RALGPS2: variants seen among roughly 807,000 people sequenced by gnomAD.
RALGPS2 encodes the protein Ral GEF with PH domain and SH3 binding motif 2.
RALGPS2 carries 43 observed loss-of-function variants against 86.8 expected under a neutral mutation model. That is an observed-to-expected ratio of 0.50 (90% CI 0.39 to 0.64). The LOEUF (loss-of-function observed/expected upper bound fraction) is 0.64. RALGPS2 is among the 30% of genes least tolerant of loss of function. RALGPS2 has a pLI of 0.00. For missense variants in RALGPS2, 536 were observed against 694.6 expected (o/e 0.77, Z 2.57); for synonymous variants, 243 against 231.3 (o/e 1.05, Z -0.46).
intron 19 of RALGPS2, among the ~76,000 whole-genome samples, chr1:178,910,638 C>G (rs550594789): frequency 6.6e-6 from 1 of 152,240 alleles, no homozygotes; most frequent in South Asian, 2.1e-4. Context: ...AATTAACTTT[C>G]TGATATGCTG....
intron 1 of RALGPS2, among the ~76,000 whole-genome samples, chr1:178,752,073 G>T (rs1249423561): frequency 6.6e-6 from 1 of 151,764 alleles, no homozygotes; most frequent in Non-Finnish European, 1.5e-5. Context: ...ATTGGTCCTA[G>T]TCTGCTACCT....
intron 1 of RALGPS2, among the ~76,000 whole-genome samples, chr1:178,757,063 TC>T (rs1651995028): frequency 6.6e-6 from 1 of 152,164 alleles, no homozygotes; most frequent in African/African-American, 2.4e-5. Context: ...TGTTGTTGAT[TC>T]TATTGTAAAT....
chr1:178,867,690 G>T (rs1658501505), intron 8 of RALGPS2, among the ~76,000 whole-genome samples: 1 of 151,822 alleles, frequency 6.6e-6, no homozygotes, highest in Non-Finnish European at 1.5e-5. Flanking sequence ...ATAATTTTTG[G>T]TAGAATTTGT....
intron 8 of RALGPS2, chr1:178,864,851 T>C (rs554981019): frequency 2.7e-6 from 2 of 739,820 alleles, no homozygotes; most frequent in South Asian, 1.2e-4. Flanking sequence ...AATGTACATA[T>C]ATAACATCGC....
At chr1:178,759,054 C>T (rs12119883) in intron 1 of RALGPS2, among the ~76,000 whole-genome samples, 6,879 of 151,998 alleles carry the variant, frequency 0.045, 159 homozygotes, top group Non-Finnish European at 0.057. Context: ...TCCTTTGTTG[C>T]GCAAAAGCTT....
At chr1:178,780,951 T>G (rs374543874) in intron 2 of RALGPS2, among the ~76,000 whole-genome samples, 12 of 152,046 alleles carry the variant, frequency 7.9e-5, no homozygotes, top group East Asian at 5.8e-4. Context: ...TATGTTTATA[T>G]ATATGTTTGT....
chr1:178,913,877 C>T (rs1273991363), intron 19 of RALGPS2, among the ~76,000 whole-genome samples: 1 of 152,256 alleles, frequency 6.6e-6, no homozygotes, highest in East Asian at 1.9e-4. Context: ...TGCTCCCAGG[C>T]TGCTGGCAAA....
At chr1:178,840,777 G>A (rs1358677003) in intron 8 of RALGPS2, among the ~76,000 whole-genome samples, 3 of 151,250 alleles carry the variant, frequency 2.0e-5, no homozygotes, top group Non-Finnish European at 3.0e-5. Flanking sequence ...TAAAGAAAAG[G>A]GAGGAATCAA....
intron 8 of RALGPS2, chr1:178,850,504 G>GT (rs1422289258): frequency 5.3e-4 from 79 of 150,380 alleles, no homozygotes; most frequent in Non-Finnish European, 9.2e-4. Context: ...ATTATTTTTG[G>GT]GTTTTTTTTT....
intron 8 of RALGPS2, chr1:178,853,117 G>A (rs901017521): frequency 5.2e-5 from 51 of 985,216 alleles, no homozygotes; most frequent in Non-Finnish European, 5.8e-5. Flanking sequence ...GCCACACATT[G>A]TCATTCTCTT....
chr1:178,779,229 A>G (rs1653258607), intron 2 of RALGPS2, among the ~76,000 whole-genome samples: 1 of 152,098 alleles, frequency 6.6e-6, no homozygotes, highest in Non-Finnish European at 1.5e-5. Flanking sequence ...CTAGATGCTC[A>G]CCCCTCTAGT....
rs548950507 is a variant in RALGPS2, at chr1:178,909,092, G to A, written c.1722+2225G>A. ...AGTTGATTTTTGTATACAGTGTAAG[G>A]AAGGGGTCCAGTTTTAATCTTCTGT... On this transcript the variant is annotated intron_variant, in intron 19 of 19. Transcript: ENST00000367635. Among the ~76,000 whole-genome samples the A allele has an allele frequency of 1.2e-3, 184 of 152,246 alleles. 1 individual carries two copies. Among genetic ancestry groups the A allele is most frequent in the Non-Finnish European group, 2.2e-3 (150 of 68,000 alleles).
intron 4 of RALGPS2, among the ~76,000 whole-genome samples, chr1:178,787,851 C>G (rs539030409): frequency 6.6e-6 from 1 of 152,302 alleles, no homozygotes; most frequent in African/African-American, 2.4e-5. Context: ...CATCTACCTG[C>G]ATTTACTTTG....
At chr1:178,787,289 T>C (rs187548803) in intron 4 of RALGPS2, among the ~76,000 whole-genome samples, 2 of 152,310 alleles carry the variant, frequency 1.3e-5, no homozygotes, top group East Asian at 1.9e-4. Flanking sequence ...ATGAGATCAG[T>C]GCTGTCTAGC....
At chr1:178,765,421 A>G (rs535994083) in intron 1 of RALGPS2, among the ~76,000 whole-genome samples, 1 of 152,262 alleles carries the variant, frequency 6.6e-6, no homozygotes, top group East Asian at 1.9e-4. Flanking sequence ...AGTGATTTTC[A>G]AAAGGGGAGG....
At chr1:178,871,491 T>G (rs1364402884) in intron 8 of RALGPS2, among the ~76,000 whole-genome samples, 1 of 149,526 alleles carries the variant, frequency 6.7e-6, no homozygotes, top group Admixed American at 6.7e-5. Flanking sequence ...ATAAATACTC[T>G]TTATAGCCTA....
intron 8 of RALGPS2, among the ~76,000 whole-genome samples, chr1:178,860,099 T>G (rs1657894581): frequency 6.6e-6 from 1 of 152,136 alleles, no homozygotes; most frequent in South Asian, 2.1e-4. Context: ...TCTATGCTTT[T>G]ACACATGGTG....
At chr1:178,769,820 G>A (rs1469651202) in intron 1 of RALGPS2, among the ~76,000 whole-genome samples, 1 of 152,138 alleles carries the variant, frequency 6.6e-6, no homozygotes, top group African/African-American at 2.4e-5. Flanking sequence ...GAGCAACAAT[G>A]TTCTATTCCT....
intron 8 of RALGPS2, among the ~76,000 whole-genome samples, chr1:178,873,182 A>T (rs1490712814): frequency 6.6e-6 from 1 of 152,316 alleles, no homozygotes; most frequent in South Asian, 2.1e-4. Context: ...TATTAATGCC[A>T]TTGCCAAAAT....
Sources: gnomAD v4.1 joint callset for allele counts (sites outside exome capture counted in the v4.1 genomes callset) on GRCh38, gnomAD v4.1.1 for gene constraint, MANE v1.5 for transcripts, NCBI Gene and HGNC (gene_info 2026-07-23, HGNC 2026-07-21) for gene names.